COL23A1: variants seen among roughly 807,000 people sequenced by gnomAD.
COL23A1 encodes collagen alpha-1(XXIII) chain.
COL23A1 carries 97 observed loss-of-function variants against 99.3 expected under a neutral mutation model. The ratio of observed to expected loss-of-function variants is 0.98; its 90% CI spans 0.83 to 1.16. The LOEUF (loss-of-function observed/expected upper bound fraction) is 1.16. Among genes scored for constraint, COL23A1 ranks in the 50% most tolerant of loss-of-function variants. The pLI, the probability that COL23A1 is intolerant of heterozygous loss-of-function variation, is 0.00. For missense variants in COL23A1, 762 were observed against 757.4 expected, an observed-to-expected ratio of 1.01 and a Z score of -0.07; for synonymous variants, 320 against 308.2, an observed-to-expected ratio of 1.04 and a Z score of -0.40.
intron 2 of COL23A1, among the ~76,000 whole-genome samples, chr5:178,343,964 A>G (rs1760820135): frequency 6.6e-6 from 1 of 152,076 alleles, no homozygotes; most frequent in South Asian, 2.1e-4. Flanking sequence ...CCCGGCCTAA[A>G]ATGTTTTTTA....
At position 178,590,307 on chromosome 5, in the gene COL23A1, G is replaced by T; in HGVS notation, c.-110C>A. On this transcript the variant is annotated 5_prime_UTR_variant, in exon 1 of 29. Coordinates refer to ENST00000390654, the MANE Select transcript of COL23A1 (RefSeq NM_173465.4). This position sits in a 1 kb window ranked among gnomAD's most constrained non-coding sequence, Gnocchi z 5.7. ...CGAGGCACGAGGTCCGCCGGGCGCG[G>T]GGGTTAGCCTCCGGGTAGCAGCGGA... is the stretch of plus-strand genomic sequence containing the variant. The T allele has an allele frequency of 1.0e-6, 1 of 1,001,398 alleles. No individual in the cohort carries two copies. The highest frequency in any genetic ancestry group is 1.2e-6 in the Non-Finnish European group (1 of 800,608). 62.0% of individuals were successfully genotyped at this position (1,001,398 alleles called of 1,614,324 possible).
At chr5:178,523,163 C>CATATATATATATATATATACATATAT (rs70997608) in intron 2 of COL23A1, among the ~76,000 whole-genome samples, 3 of 95,550 alleles carry the variant, frequency 3.1e-5, no homozygotes, top group Non-Finnish European at 6.1e-5. Flanking sequence ...TATATATATA[C>CATATATATATATATATATACATATAT]ATATATATAT....
Position 178,381,456 on chromosome 5 carries a change from GGGA to G in COL23A1, c.362-74540_362-74538del, listed in dbSNP as rs1226282652. ...AGCTGCTTGGGACACCAGCACCACC[GGGA>G]GAGAGGGTCCTGCCTGTCGCTGGTC... is the stretch of plus-strand genomic sequence containing the variant. On this transcript the variant is annotated intron_variant, in intron 2 of 28. Coordinates refer to ENST00000390654, the MANE Select transcript of COL23A1 (RefSeq NM_173465.4). 2.0e-5 allele frequency among the ~76,000 whole-genome samples: 3 copies of G among 152,350 alleles called. No individual in the cohort carries two copies. The East Asian group carries it at 5.8e-4, about 29-fold the overall frequency.
Position 178,358,020 on chromosome 5 carries a change from G to GTATGCGTA in COL23A1, c.362-51102_362-51101insTACGCATA, listed in dbSNP as rs1554145056. 2.5e-3 allele frequency among the ~76,000 whole-genome samples: 357 copies of GTATGCGTA among 142,828 alleles called. 4 individuals carry two copies. The highest frequency in any genetic ancestry group is 8.7e-3 in the African/African-American group (336 of 38,590). 93.7% of individuals were successfully genotyped at this position (142,828 alleles called of 152,430 possible). A position where few individuals can be genotyped will look rare whatever the true frequency, so the allele number is the denominator to read the frequency against. On this transcript the variant is annotated intron_variant, in intron 2 of 28. Transcript: ENST00000390654. ...TGTGTATATGTATGTGTGTGTATGT[G>GTATGCGTA]TGTGTATGCGTATGTGTATGTGTAT...
intron 2 of COL23A1, among the ~76,000 whole-genome samples, chr5:178,508,989 C>T (rs532380200): frequency 6.6e-6 from 1 of 152,298 alleles, no homozygotes; most frequent in African/African-American, 2.4e-5. Context: ...TACTTGAAGC[C>T]TTTAAAAATA....
chr5:178,366,771 A>G lies in COL23A1; in HGVS notation c.362-59852T>C, dbSNP rs1307143009. 1.3e-5 allele frequency among the ~76,000 whole-genome samples: 2 copies of G among 152,060 alleles called. No individual in the cohort carries two copies. The highest frequency in any genetic ancestry group is 4.8e-5 in the African/African-American group (2 of 41,390). ...GCCTGTGCTTCTGCTGGTCTAAATC[A>G]TTATCTATTGCTGAGGCTCACAGCA... On this transcript the variant is annotated intron_variant, in intron 2 of 28. Coordinates refer to ENST00000390654, the MANE Select transcript of COL23A1 (RefSeq NM_173465.4). The surrounding 1 kb of genome is among the most constrained non-coding windows in gnomAD (Gnocchi z 4.4).
intron 2 of COL23A1, among the ~76,000 whole-genome samples, chr5:178,461,360 A>T (rs1009547939): frequency 1.3e-5 from 2 of 152,172 alleles, no homozygotes; most frequent in African/African-American, 4.8e-5. Context: ...CTGGAAGAGG[A>T]GCTGAGTAGA....
intron 16 of COL23A1, 129 bp from the exon 17 acceptor site, chr5:178,252,726 C>T: frequency 1.4e-6 from 1 of 735,418 alleles, no homozygotes; most frequent in Non-Finnish European, 2.2e-6. Context: ...TCCTTGGGGA[C>T]TGCTTCTTCC....
intron 2 of COL23A1, among the ~76,000 whole-genome samples, chr5:178,444,054 T>C (rs1767029713): frequency 6.6e-6 from 1 of 152,016 alleles, no homozygotes; most frequent in African/African-American, 2.4e-5. Flanking sequence ...ATAAAAAAAT[T>C]AGCCAGGTGT....
At chr5:178,350,175 G>A (rs1237038192) in intron 2 of COL23A1, among the ~76,000 whole-genome samples, 1 of 152,196 alleles carries the variant, frequency 6.6e-6, no homozygotes, top group Non-Finnish European at 1.5e-5. Context: ...CAGTCCTCGG[G>A]CCGAGCACCC....
intron 2 of COL23A1, among the ~76,000 whole-genome samples, chr5:178,364,784 C>A (rs934322618): frequency 1.3e-5 from 2 of 152,188 alleles, no homozygotes; most frequent in Non-Finnish European, 2.9e-5. Flanking sequence ...GTGCCCCCAT[C>A]CCCCATGACT....
At chr5:178,398,598 G>A (rs2127760917) in intron 2 of COL23A1, among the ~76,000 whole-genome samples, 1 of 152,340 alleles carries the variant, frequency 6.6e-6, no homozygotes, top group South Asian at 2.1e-4. Context: ...CTGCACTCCA[G>A]CCTGGGAGAC....
rs541157524 is a variant in COL23A1, at chr5:178,562,933, CTACAGAGCACTGATTGGTGCATTTT to C, written c.295-2210_295-2186del. Among the ~76,000 whole-genome samples the C allele has an allele frequency of 9.2e-4, 140 of 152,180 alleles. 2 individuals are homozygous for C. The South Asian group carries it at 0.013, about 14-fold the overall frequency. On this transcript the variant is annotated intron_variant, in intron 1 of 28. Transcript: ENST00000390654. ...GTGCATTTTACAAACCTCTAGCTAGCTACAGAGCACTGATTGGTGCATTTTTACAGAGCACTGATTGGTGCATTTT... is the reference window on the plus strand; with the variant it reads ...GTGCATTTTACAAACCTCTAGCTAGCTACAGAGCACTGATTGGTGCATTTT...
At chr5:178,438,223 C>T (rs1766668362) in intron 2 of COL23A1, among the ~76,000 whole-genome samples, 1 of 152,170 alleles carries the variant, frequency 6.6e-6, no homozygotes, top group East Asian at 1.9e-4. Context: ...TCCAACTTTA[C>T]AATATCAAGC....
At chr5:178,509,984 G>A (rs1759111174) in intron 2 of COL23A1, among the ~76,000 whole-genome samples, 3 of 152,172 alleles carry the variant, frequency 2.0e-5, no homozygotes, top group Admixed American at 1.3e-4. Context: ...CGTCCTTAGT[G>A]CTCACCATCT....
intron 2 of COL23A1, among the ~76,000 whole-genome samples, chr5:178,523,163 C>CATATATATATATATATATATACACAT (rs70997608): frequency 2.1e-5 from 2 of 95,532 alleles, no homozygotes; most frequent in Admixed American, 2.8e-4. Flanking sequence ...TATATATATA[C>CATATATATATATATATATATACACAT]ATATATATAT....
chr5:178,519,719 C>A (rs1759833348), intron 2 of COL23A1, among the ~76,000 whole-genome samples: 1 of 152,206 alleles, frequency 6.6e-6, no homozygotes, highest in Non-Finnish European at 1.5e-5. Context: ...GAGCCTAGCA[C>A]AGGACATAGC....
At chr5:178,374,004 TTC>T (rs1417250358) in intron 2 of COL23A1, among the ~76,000 whole-genome samples, 1 of 152,126 alleles carries the variant, frequency 6.6e-6, no homozygotes, top group Non-Finnish European at 1.5e-5. Flanking sequence ...CTTCTCAGTT[TTC>T]TCTGTCGGTT....
rs559024138 is a variant in COL23A1, at chr5:178,358,307, T to C, written c.362-51388A>G. Among the ~76,000 whole-genome samples, 19 of 141,686 alleles carry C rather than the reference T, an allele frequency of 1.3e-4. 1 individual carries two copies. In the South Asian group the frequency reaches 2.8e-3, roughly 21 times the overall value. 93.0% of individuals were successfully genotyped at this position (141,686 alleles called of 152,430 possible). On this transcript the variant is annotated intron_variant, in intron 2 of 28. Transcript: ENST00000390654. ...GCGTGTGCGTATATGTATGTATGTA[T>C]GTGTGTGTATGTGTATGTGTATGTA...
Sources: allele counts gnomAD v4.1 joint callset (sites outside exome capture counted in the v4.1 genomes callset), GRCh38; gene constraint gnomAD v4.1.1; non-coding constraint Gnocchi (gnomAD v3.1); transcripts MANE v1.5; gene names NCBI Gene and HGNC (gene_info 2026-07-23, HGNC 2026-07-21).